MACROD2: variants seen among roughly 807,000 people sequenced by gnomAD.
MACROD2 encodes the protein ADP-ribose glycohydrolase MACROD2.
In MACROD2, 36 loss-of-function variants were observed where a neutral mutation model predicts 70.4. The ratio of observed to expected loss-of-function variants is 0.51; its 90% CI spans 0.39 to 0.68. The LOEUF (loss-of-function observed/expected upper bound fraction) is 0.68. MACROD2 is among the 30% of genes least tolerant of loss of function. The probability of loss-of-function intolerance (pLI) is 0.00; values close to 1 mark genes in which losing one functional copy is unlikely to be tolerated. For synonymous variants in MACROD2, 172 were observed against 178.8 expected (o/e 0.96, Z 0.30); for missense variants, 496 against 538.4 (o/e 0.92, Z 0.78).
chr20:15,031,916 T>C (rs953957179), intron 5 of MACROD2, among the ~76,000 whole-genome samples: 1 of 152,152 alleles, frequency 6.6e-6, no homozygotes, highest in African/African-American at 2.4e-5. Context: ...GCCATCAGCA[T>C]GCCATCCAGG....
chr20:15,941,001 T>C (rs1339211205), intron 12 of MACROD2, among the ~76,000 whole-genome samples: 1 of 152,228 alleles, frequency 6.6e-6, no homozygotes, highest in East Asian at 1.9e-4. Flanking sequence ...ATTTTTCCTG[T>C]TGAGTTGTTT....
chr20:14,062,902 T>C (rs2053706681), intron 2 of MACROD2, among the ~76,000 whole-genome samples: 1 of 152,198 alleles, frequency 6.6e-6, no homozygotes, highest in South Asian at 2.1e-4. Flanking sequence ...GGCTTATTCT[T>C]CCTGAAGTCA....
chr20:16,041,307 G>A, intron 16 of MACROD2, 29 bp downstream of exon 16: 3 of 1,565,586 alleles, frequency 1.9e-6, no homozygotes, highest in South Asian at 2.3e-5. Flanking sequence ...GGAGCCCATG[G>A]AAACTACAAA....
At chr20:15,597,211 G>C (rs982843587) in intron 8 of MACROD2, among the ~76,000 whole-genome samples, 31 of 152,216 alleles carry the variant, frequency 2.0e-4, no homozygotes, top group African/African-American at 7.5e-4. Flanking sequence ...CTTAAGCCTA[G>C]TGAGAAAAGC....
chr20:15,686,303 G>A (rs1486323332), intron 8 of MACROD2, among the ~76,000 whole-genome samples: 1 of 152,010 alleles, frequency 6.6e-6, no homozygotes, highest in African/African-American at 2.4e-5. Flanking sequence ...GGAACATGAG[G>A]TTTTCAGGGT....
At chr20:14,196,193 C>T (rs1158138543) in intron 3 of MACROD2, among the ~76,000 whole-genome samples, 1 of 152,150 alleles carries the variant, frequency 6.6e-6, no homozygotes, top group Non-Finnish European at 1.5e-5. Flanking sequence ...TCACCTCCTC[C>T]CCTCTCTCCA....
rs149293875 is a variant in MACROD2, at chr20:14,270,237, A to G, written c.271+184509A>G. ...CATATATACACACACATATATGTCT[A>G]CATACGTGTGTGTGTGTATAAAAGG... On this transcript the variant is annotated intron_variant, in intron 3 of 17. Transcript: ENST00000684519. 2.6e-4 allele frequency among the ~76,000 whole-genome samples: 40 copies of G among 152,318 alleles called. No individual in the cohort carries two copies. In the East Asian group the frequency reaches 5.2e-3, roughly 20 times the overall value.
chr20:15,665,906 T>C (rs1247036512), intron 8 of MACROD2, among the ~76,000 whole-genome samples: 1 of 152,208 alleles, frequency 6.6e-6, no homozygotes, highest in Non-Finnish European at 1.5e-5. Flanking sequence ...TCTGCCTGTT[T>C]TATGATCTGA....
At chr20:14,759,070 T>A (rs896529651) in intron 5 of MACROD2, among the ~76,000 whole-genome samples, 2 of 152,126 alleles carry the variant, frequency 1.3e-5, no homozygotes, top group African/African-American at 4.8e-5. Flanking sequence ...CTGACTTGCG[T>A]GCCTTTTTGA....
intron 5 of MACROD2, among the ~76,000 whole-genome samples, chr20:14,849,439 T>C (rs389667): frequency 0.57 from 87,277 of 151,902 alleles, 26,271 homozygotes; most frequent in Non-Finnish European, 0.67. Flanking sequence ...CTTGCAGCAG[T>C]AGGGAGTGAA....
chr20:14,878,551 G>T (rs779851035), intron 5 of MACROD2, among the ~76,000 whole-genome samples: 63 of 152,080 alleles, frequency 4.1e-4, no homozygotes, highest in Non-Finnish European at 6.6e-4. Flanking sequence ...ATAGACTCAG[G>T]ATAGGGGACC....
chr20:15,921,448 A>T (rs1047319517), intron 10 of MACROD2, among the ~76,000 whole-genome samples: 1 of 152,170 alleles, frequency 6.6e-6, no homozygotes, highest in African/African-American at 2.4e-5. Flanking sequence ...AGCCTTTCTC[A>T]CATAAGAGTT....
chr20:14,367,649 C>G (rs2083284231), intron 3 of MACROD2, among the ~76,000 whole-genome samples: 1 of 152,156 alleles, frequency 6.6e-6, no homozygotes, highest in African/African-American at 2.4e-5. Flanking sequence ...ATTGAGGATC[C>G]CTTGTATGTT....
At chr20:15,999,530 T>C (rs1235565855) in intron 15 of MACROD2, among the ~76,000 whole-genome samples, 1 of 152,208 alleles carries the variant, frequency 6.6e-6, no homozygotes, top group Non-Finnish European at 1.5e-5. Context: ...TCTTTATTGA[T>C]TTTCTTTCTG....
At chr20:15,112,774 A>G (rs1365374700) in intron 5 of MACROD2, among the ~76,000 whole-genome samples, 2 of 152,204 alleles carry the variant, frequency 1.3e-5, no homozygotes. Flanking sequence ...TTCTGTACTC[A>G]TTAAGCAGTA....
chr20:16,040,820 C>G (rs1258217621), intron 15 of MACROD2, among the ~76,000 whole-genome samples: 1 of 151,996 alleles, frequency 6.6e-6, no homozygotes, highest in Non-Finnish European at 1.5e-5. Flanking sequence ...TTCATTTTCT[C>G]TTTTTCTTCT....
At chr20:14,385,594 A>C (rs971423253) in intron 3 of MACROD2, among the ~76,000 whole-genome samples, 1 of 152,200 alleles carries the variant, frequency 6.6e-6, no homozygotes, top group Admixed American at 6.5e-5. Context: ...TCCTTAACTG[A>C]TTTTAATGGA....
intron 8 of MACROD2, among the ~76,000 whole-genome samples, chr20:15,807,159 C>T (rs111545044): frequency 3.3e-4 from 51 of 152,262 alleles, no homozygotes; most frequent in African/African-American, 1.2e-3. Context: ...TTATCTCTTC[C>T]ACTGGAGAAT....
chr20:15,768,113 T>C (rs1222443684), intron 8 of MACROD2, among the ~76,000 whole-genome samples: 1 of 150,918 alleles, frequency 6.6e-6, no homozygotes, highest in African/African-American at 2.5e-5. Context: ...AAAATGAGGC[T>C]GTGTGTGTGT....
Sources: gnomAD v4.1 joint callset for allele counts (sites outside exome capture counted in the v4.1 genomes callset) on GRCh38, gnomAD v4.1.1 for gene constraint, MANE v1.5 for transcripts, NCBI Gene and HGNC (gene_info 2026-07-23, HGNC 2026-07-21) for gene names.